Variants in ZBTB7C observed in about 807,000 individuals in gnomAD.
ZBTB7C encodes the protein zinc finger and BTB domain containing 7C.
In ZBTB7C, 8 loss-of-function variants were observed where a neutral mutation model predicts 25.7. The ratio of observed to expected loss-of-function variants is 0.31; its 90% CI spans 0.18 to 0.56. The LOEUF (loss-of-function observed/expected upper bound fraction) is 0.56. ZBTB7C is among the 20% of genes least tolerant of loss of function. The pLI is 0.91. For missense variants in ZBTB7C, 824 were observed against 855.2 expected (o/e 0.96, Z 0.46); for synonymous variants, 394 against 369.0 (o/e 1.07, Z -0.78).
At chr18:48,189,730 C>T (rs979783502) in intron 2 of ZBTB7C, among the ~76,000 whole-genome samples, 55 of 152,288 alleles carry the variant, frequency 3.6e-4, no homozygotes, top group African/African-American at 1.3e-3. Flanking sequence ...CAGGCCCTGA[C>T]CTGGGTGCTC....
At chr18:48,252,842 G>C (rs1163782300) in intron 2 of ZBTB7C, 1 of 152,218 alleles carries the variant, frequency 6.6e-6, no homozygotes, top group Non-Finnish European at 1.5e-5. Flanking sequence ...GGTTAAGGAG[G>C]CAGTCCCTGA....
chr18:48,283,271 G>C (rs1283827011), intron 2 of ZBTB7C, among the ~76,000 whole-genome samples: 1 of 152,124 alleles, frequency 6.6e-6, no homozygotes, highest in Non-Finnish European at 1.5e-5. Context: ...CCTAAATGTT[G>C]AGCAAATGTA....
rs1303483962 is a variant in ZBTB7C at position 48,090,511 on chromosome 18, C to A, written c.-16-49388G>T. Among the ~76,000 whole-genome samples, 4 of 152,332 alleles carry A rather than the reference C, an allele frequency of 2.6e-5. 1 individual carries two copies. The South Asian group carries it at 8.3e-4, about 32-fold the overall frequency. Reference sequence around the variant, plus strand: ...ACCAAGTCCTCCGTCAGCTACTTCTCCCTGCTGTGGGCCTCTAGCTGGGCT... The same window carrying A: ...ACCAAGTCCTCCGTCAGCTACTTCTACCTGCTGTGGGCCTCTAGCTGGGCT... On this transcript the variant is annotated intron_variant, in intron 3 of 4. Transcript: ENST00000590800.
At chr18:48,117,986 TTTCTTC>T (rs1274261756) in intron 3 of ZBTB7C, among the ~76,000 whole-genome samples, 5 of 150,860 alleles carry the variant, frequency 3.3e-5, no homozygotes, top group Admixed American at 2.6e-4. Context: ...TGATCAATCT[TTTCTTC>T]TTCTTCTTCT....
chr18:48,051,504 A>G (rs1244158659), intron 3 of ZBTB7C, among the ~76,000 whole-genome samples: 1 of 152,172 alleles, frequency 6.6e-6, no homozygotes, highest in Non-Finnish European at 1.5e-5. Context: ...TTTACCTTTC[A>G]AAGCACTTTG....
At chr18:48,087,936 A>ATT (rs1467844012) in intron 3 of ZBTB7C, 3 of 148,016 alleles carry the variant, frequency 2.0e-5, no homozygotes, top group African/African-American at 7.6e-5. Flanking sequence ...CTTTCCTTTC[A>ATT]CTCTTTAAAG....
chr18:48,333,814 G>A (rs2046395010), intron 2 of ZBTB7C, among the ~76,000 whole-genome samples: 2 of 152,184 alleles, frequency 1.3e-5, no homozygotes, highest in African/African-American at 4.8e-5. Context: ...CCACTGCAGC[G>A]AGCATCAAAG....
chr18:48,248,702 C>A (rs2043765456), intron 2 of ZBTB7C, among the ~76,000 whole-genome samples: 1 of 152,100 alleles, frequency 6.6e-6, no homozygotes, highest in African/African-American at 2.4e-5. Flanking sequence ...CCACAAAAGG[C>A]ACCTGGTAAC....
chr18:48,284,428 G>A (rs908061305), intron 2 of ZBTB7C, among the ~76,000 whole-genome samples: 1 of 148,982 alleles, frequency 6.7e-6, no homozygotes, highest in African/African-American at 2.4e-5. Flanking sequence ...GACAGAGTGA[G>A]ACCCTGTTAA....
intron 2 of ZBTB7C, among the ~76,000 whole-genome samples, chr18:48,195,553 T>C (rs1256062028): frequency 2.0e-5 from 3 of 152,202 alleles, no homozygotes; most frequent in Non-Finnish European, 4.4e-5. Flanking sequence ...ATTAAACCTC[T>C]TTTTCTTTAT....
intron 2 of ZBTB7C, among the ~76,000 whole-genome samples, chr18:48,209,207 C>T (rs1184755803): frequency 6.6e-6 from 1 of 152,158 alleles, no homozygotes; most frequent in East Asian, 1.9e-4. Flanking sequence ...ACCTGTTATT[C>T]AACCCTCAGG....
At chr18:48,305,055 G>A (rs2045638987) in intron 2 of ZBTB7C, among the ~76,000 whole-genome samples, 1 of 152,064 alleles carries the variant, frequency 6.6e-6, no homozygotes, top group Non-Finnish European at 1.5e-5. Context: ...TGCAAGAGAG[G>A]ACAGCGCCCC....
chr18:48,084,547 C>T (rs1470291113), intron 3 of ZBTB7C, among the ~76,000 whole-genome samples: 3 of 152,176 alleles, frequency 2.0e-5, no homozygotes, highest in Admixed American at 2.0e-4. Context: ...TGAACCTGGA[C>T]CCACAGTATG....
At chr18:48,309,299 C>T (rs948785068) in intron 2 of ZBTB7C, among the ~76,000 whole-genome samples, 2 of 152,178 alleles carry the variant, frequency 1.3e-5, no homozygotes, top group Non-Finnish European at 2.9e-5. Context: ...ATATAATTTG[C>T]ATATGCCTAT....
At position 48,307,657 on chromosome 18, in the gene ZBTB7C, G is replaced by T. The variant is rs373693350; in HGVS notation, c.-79+30517C>A. 2.1e-4 allele frequency among the ~76,000 whole-genome samples: 32 copies of T among 152,318 alleles called. No homozygotes were observed. In the East Asian group the frequency reaches 5.6e-3, roughly 27 times the overall value. On this transcript the variant is annotated intron_variant, in intron 2 of 4. Transcript: ENST00000590800. ...AAGGTCAAGAGATCGAGACCATGCT[G>T]GCCAACGTGGTGAAACCCCGTCTCT...
intron 1 of ZBTB7C, among the ~76,000 whole-genome samples, chr18:48,394,245 G>C (rs74340411): frequency 6.6e-6 from 1 of 152,296 alleles, no homozygotes; most frequent in East Asian, 1.9e-4. Flanking sequence ...CTGTCCTGCT[G>C]CTCTATTTTG....
At chr18:48,085,938 T>G (rs1414425017) in intron 3 of ZBTB7C, among the ~76,000 whole-genome samples, 2 of 152,176 alleles carry the variant, frequency 1.3e-5, no homozygotes, top group African/African-American at 4.8e-5. Flanking sequence ...TGACCATGCC[T>G]AGGCCATCTC....
rs756105207 is a variant in ZBTB7C, at chr18:48,050,646, G to A, written c.-16-9523C>T. Among the ~76,000 whole-genome samples, 214 of 152,234 alleles carry A rather than the reference G, an allele frequency of 1.4e-3. 1 individual carries two copies. Among genetic ancestry groups the A allele is most frequent in the Non-Finnish European group, 6.0e-4 (41 of 67,996 alleles). Reference sequence around the variant, plus strand: ...ATTGTGCACCCCCTCCTCTTTCCCTGCAATGTCCAGCCCCCTTGACAAGAC... The same window carrying A: ...ATTGTGCACCCCCTCCTCTTTCCCTACAATGTCCAGCCCCCTTGACAAGAC... On this transcript the variant is annotated intron_variant, in intron 3 of 4. Coordinates refer to ENST00000590800, the MANE Select transcript of ZBTB7C (RefSeq NM_001318841.2).
chr18:48,053,619 G>C (rs2036786293), intron 3 of ZBTB7C, among the ~76,000 whole-genome samples: 1 of 152,170 alleles, frequency 6.6e-6, no homozygotes, highest in Admixed American at 6.5e-5. Flanking sequence ...CTGAGGTAGA[G>C]CCGAGGCTTG....
Sources: gnomAD v4.1 joint callset for allele counts (sites outside exome capture counted in the v4.1 genomes callset) on GRCh38, gnomAD v4.1.1 for gene constraint, MANE v1.5 for transcripts, NCBI Gene and HGNC (gene_info 2026-07-23, HGNC 2026-07-21) for gene names.